The following RPTOR variants were observed in gnomAD, a reference collection of about 807,000 sequenced individuals.
RPTOR encodes regulatory-associated protein of mTOR.
RPTOR carries 21 observed loss-of-function variants against 169.9 expected under a neutral mutation model. The ratio of observed to expected loss-of-function variants is 0.12; its 90% CI spans 0.09 to 0.18. The LOEUF (loss-of-function observed/expected upper bound fraction) is 0.18, where lower values mean the gene tolerates loss of function less well. Among genes scored for constraint, RPTOR ranks in the 10% least tolerant of loss-of-function variants. RPTOR has a pLI of 1.00. For synonymous variants in RPTOR, 732 were observed against 753.2 expected (o/e 0.97, Z 0.46); for missense variants, 1,133 against 1,855.9 (o/e 0.61, Z 7.16).
intron 4 of RPTOR, among the ~76,000 whole-genome samples, chr17:80,715,855 A>T (rs995515087): frequency 6.6e-6 from 1 of 152,166 alleles, no homozygotes; most frequent in African/African-American, 2.4e-5. Flanking sequence ...ACTTAAAATA[A>T]TAGTCTCCAG....
At chr17:80,918,198 G>GA (rs369578799) in intron 21 of RPTOR, among the ~76,000 whole-genome samples, 23 of 152,354 alleles carry the variant, frequency 1.5e-4, no homozygotes, top group African/African-American at 5.5e-4. Flanking sequence ...TACAGAATCA[G>GA]ATGTGGCCCT....
At chr17:80,958,198 C>CT (rs913714137) in intron 29 of RPTOR, among the ~76,000 whole-genome samples, 5 of 29,196 alleles carry the variant, frequency 1.7e-4, no homozygotes, top group African/African-American at 3.7e-4. Flanking sequence ...TCCCACCTCA[C>CT]CCCCCCCCCC....
intron 20 of RPTOR, among the ~76,000 whole-genome samples, chr17:80,895,800 T>A (rs867434695): frequency 2.4e-4 from 36 of 152,230 alleles, no homozygotes; most frequent in African/African-American, 8.4e-4. Flanking sequence ...TAGACACACC[T>A]GGTGTCTCCT....
rs1046408577 is a variant in RPTOR at position 80,685,099 on chromosome 17, C to T, written c.349-22742C>T. 3.6e-5 allele frequency among the ~76,000 whole-genome samples: 4 copies of T among 109,832 alleles called. No homozygotes were observed. The South Asian group carries it at 8.7e-4, about 24-fold the overall frequency. 72.1% of individuals were successfully genotyped at this position (109,832 alleles called of 152,430 possible). ...TCCCTTCCTACCTCAGGATTGTATA[C>T]CCTTTTCCATTCCCCTCGGCAACAT... On this transcript the variant is annotated intron_variant, in intron 3 of 33. Transcript: ENST00000306801.
chr17:80,680,761 T>C (rs958821090), intron 3 of RPTOR, among the ~76,000 whole-genome samples: 1 of 152,080 alleles, frequency 6.6e-6, no homozygotes, highest in Non-Finnish European at 1.5e-5. Flanking sequence ...CCAGGGGATT[T>C]AGTTAGTGAC....
Position 80,895,591 on chromosome 17 carries a change from G to A in RPTOR, c.2401+1726G>A, listed in dbSNP as rs528735525. Among the ~76,000 whole-genome samples, 12 of 152,372 alleles carry A rather than the reference G, an allele frequency of 7.9e-5. No homozygotes were observed. The South Asian group carries it at 8.3e-4, about 11-fold the overall frequency. On this transcript the variant is annotated intron_variant, in intron 20 of 33. Coordinates refer to ENST00000306801, the MANE Select transcript of RPTOR (RefSeq NM_020761.3). ...ACATAAACGGGCACGTGTGTGGTGC[G>A]TGTTCTTCAGCGTGGATACACGTGA...
At chr17:80,930,419 C>T (rs1416539961) in intron 24 of RPTOR, among the ~76,000 whole-genome samples, 17 of 73,942 alleles carry the variant, frequency 2.3e-4, no homozygotes, top group East Asian at 7.9e-4. Flanking sequence ...CCAGCTCATC[C>T]TCAGCTCATC....
At chr17:80,951,826 C>T (rs898010905) in intron 28 of RPTOR, among the ~76,000 whole-genome samples, 35 of 152,218 alleles carry the variant, frequency 2.3e-4, no homozygotes, top group African/African-American at 8.2e-4. Context: ...TCCCCCATGC[C>T]GGCATGTCAC....
At chr17:80,623,426 CTTAAAA>C (rs1204826178) in intron 1 of RPTOR, among the ~76,000 whole-genome samples, 1 of 152,120 alleles carries the variant, frequency 6.6e-6, no homozygotes, top group African/African-American at 2.4e-5. Context: ...ATCTGGAAAT[CTTAAAA>C]TTAAAAATTA....
chr17:80,902,834 G>A (rs142844777), intron 20 of RPTOR, among the ~76,000 whole-genome samples: 3 of 152,368 alleles, frequency 2.0e-5, no homozygotes, highest in Non-Finnish European at 4.4e-5. Flanking sequence ...ACGCTGCTGT[G>A]TGCTCCACCC....
chr17:80,700,591 G>T (rs1229778596), intron 3 of RPTOR, among the ~76,000 whole-genome samples: 1 of 28,390 alleles, frequency 3.5e-5, no homozygotes, highest in Non-Finnish European at 8.5e-5. Flanking sequence ...TGATGGAAGT[G>T]GTGGTGATGG....
At chr17:80,773,783 C>T (rs1050940326) in intron 6 of RPTOR, 2 of 985,248 alleles carry the variant, frequency 2.0e-6, no homozygotes, top group Non-Finnish European at 2.4e-6. Flanking sequence ...CGTGTAGTCA[C>T]TGTGGCGCTG....
intron 3 of RPTOR, among the ~76,000 whole-genome samples, chr17:80,649,802 G>A (rs1008872333): frequency 1.3e-5 from 2 of 152,110 alleles, no homozygotes; most frequent in South Asian, 2.1e-4. Flanking sequence ...AGTGCTTCTC[G>A]CCTGAAAGCT....
chr17:80,554,540 A>G (rs7212429), intron 1 of RPTOR, among the ~76,000 whole-genome samples: 93,738 of 151,656 alleles, frequency 0.62, 29,743 homozygotes, highest in Middle Eastern at 0.72. Context: ...TCAGGAGATC[A>G]AGACCATCCT....
chr17:80,834,351 A>C (rs996651992), intron 9 of RPTOR, among the ~76,000 whole-genome samples: 8 of 152,046 alleles, frequency 5.3e-5, no homozygotes, highest in African/African-American at 1.9e-4. Context: ...TCATGTAGAC[A>C]GCTCTGCCTC....
In RPTOR at chr17:80,709,164, C is replaced by G. The variant is rs1007892168; in HGVS notation, c.507+1165C>G. 8.7e-6 allele frequency: 7 copies of G among 802,636 alleles called. No individual in the cohort carries two copies. In the African/African-American group the frequency reaches 1.3e-4, roughly 15 times the overall value. The allele number at this position is 802,636 out of a possible 1,614,324, so 49.7% of individuals were successfully genotyped here. A position where few individuals can be genotyped will look rare whatever the true frequency, so the allele number is the denominator to read the frequency against. On this transcript the variant is annotated intron_variant, in intron 4 of 33. Coordinates refer to ENST00000306801, the MANE Select transcript of RPTOR (RefSeq NM_020761.3). ...GGCACAGGGCAGTGCCATCTCTCCCCGTGTGTATCTGGATACCAGCTTGAT... is the reference window on the plus strand; with the variant it reads ...GGCACAGGGCAGTGCCATCTCTCCCGGTGTGTATCTGGATACCAGCTTGAT...
chr17:80,618,221 A>G (rs2065327435), intron 1 of RPTOR, among the ~76,000 whole-genome samples: 1 of 152,212 alleles, frequency 6.6e-6, no homozygotes, highest in African/African-American at 2.4e-5. Flanking sequence ...TCCTGACCTC[A>G]GGTGATCCGC....
chr17:80,931,265 G>A (rs2068893748), intron 24 of RPTOR, among the ~76,000 whole-genome samples: 1 of 152,220 alleles, frequency 6.6e-6, no homozygotes, highest in South Asian at 2.1e-4. Context: ...GAGAGCTGAG[G>A]TGGCAGGGGA....
chr17:80,777,636 A>G (rs1567906512), intron 6 of RPTOR, among the ~76,000 whole-genome samples: 1 of 151,596 alleles, frequency 6.6e-6, no homozygotes, highest in Non-Finnish European at 1.5e-5. Flanking sequence ...TGTTGCTGTC[A>G]CCTGTACTTT....
Sources: gnomAD v4.1 joint callset for allele counts (sites outside exome capture counted in the v4.1 genomes callset) on GRCh38, gnomAD v4.1.1 for gene constraint, MANE v1.5 for transcripts, NCBI Gene and HGNC (gene_info 2026-07-23, HGNC 2026-07-21) for gene names.